Variants in GNA11 observed in about 807,000 individuals in gnomAD.
The protein encoded by GNA11 is guanine nucleotide-binding protein subunit alpha-11.
GNA11 carries 8 observed loss-of-function variants against 38.2 expected under a neutral mutation model. That is an observed-to-expected ratio of 0.21 (90% CI 0.12 to 0.38). The LOEUF is 0.38. Ranked by LOEUF, GNA11 falls within the 10% of genes least tolerant of loss-of-function variation. GNA11 has a pLI of 1.00. For missense variants in GNA11, 268 were observed against 516.3 expected (o/e 0.52, Z 4.66); for synonymous variants, 211 against 221.4 (o/e 0.95, Z 0.42).
rs1400788880 is a variant in GNA11, at chr19:3,121,366, T to A, written c.*187T>A. On this transcript the variant is annotated 3_prime_UTR_variant, in exon 7 of 7. Coordinates refer to ENST00000078429, the MANE Select transcript of GNA11 (RefSeq NM_002067.5). ...ACAGTTATCAGGGGATGTACATCTC[T>A]CCCTCCGTACACTTCGCGCACCTTC... The A allele has an allele frequency of 1.7e-5, 9 of 539,140 alleles. No homozygotes were observed. Among genetic ancestry groups the A allele is most frequent in the Middle Eastern group, 9.7e-4 (2 of 2,068 alleles). 33.4% of individuals were successfully genotyped at this position (539,140 alleles called of 1,614,324 possible).
intron 1 of GNA11, among the ~76,000 whole-genome samples, chr19:3,107,808 G>A (rs113592105): frequency 0.014 from 2,152 of 152,232 alleles, 68 homozygotes; most frequent in African/African-American, 0.049. Flanking sequence ...GTAGAGCTGA[G>A]GCCGAGGATC....
rs1430919020 is a variant in GNA11, at chr19:3,119,868, C to T, written c.889+509C>T. On this transcript the variant is annotated intron_variant, in intron 6 of 6. Transcript: ENST00000078429. The surrounding 1 kb of genome is among the most constrained non-coding windows in gnomAD (Gnocchi z 4.6). ...CCTCCTCTGTGCCCTACTGCCCCCACCCTCGGACCCGTCCCTCCCTACGTG... is the reference window on the plus strand; with the variant it reads ...CCTCCTCTGTGCCCTACTGCCCCCATCCTCGGACCCGTCCCTCCCTACGTG... 2.0e-5 allele frequency among the ~76,000 whole-genome samples: 3 copies of T among 152,046 alleles called. No individual in the cohort carries two copies. The highest frequency in any genetic ancestry group is 4.4e-5 in the Non-Finnish European group (3 of 67,976).
At chr19:3,113,593 C>A in intron 3 of GNA11, 109 bp downstream of exon 3, 2 of 827,994 alleles carry the variant, frequency 2.4e-6, no homozygotes, top group Non-Finnish European at 1.8e-6. Flanking sequence ...GCCTGCTCGC[C>A]GGGGGCAGGG....
chr19:3,094,629 CCGCGT>C lies in GNA11; in HGVS notation c.-20_-16del, dbSNP rs1913315769. ...CCGGGGGGCGGCGGCGGGCAGGCGG[CCGCGT>C]CGGCCGGGGCCGGGACGATGACTCT... On this transcript the variant is annotated 5_prime_UTR_variant, in exon 1 of 7. Coordinates refer to ENST00000078429, the MANE Select transcript of GNA11 (RefSeq NM_002067.5). The surrounding 1 kb of genome is among the most constrained non-coding windows in gnomAD (Gnocchi z 6.0). The C allele has an allele frequency of 8.3e-7, 1 of 1,198,758 alleles. No individual in the cohort carries two copies. Among genetic ancestry groups the C allele is most frequent in the African/African-American group, 1.6e-5 (1 of 62,606 alleles). 74.3% of individuals were successfully genotyped at this position (1,198,758 alleles called of 1,614,324 possible). A position where few individuals can be genotyped will look rare whatever the true frequency, so the allele number is the denominator to read the frequency against.
At chr19:3,099,213 G>A (rs1297439684) in intron 1 of GNA11, among the ~76,000 whole-genome samples, 1 of 149,284 alleles carries the variant, frequency 6.7e-6, no homozygotes, top group East Asian at 2.0e-4. Flanking sequence ...AGGGGCGCTC[G>A]CGGGGCCTGC....
At chr19:3,115,285 G>A (rs1913882193) in intron 4 of GNA11, 1 of 500,954 alleles carries the variant, frequency 2.0e-6, no homozygotes, top group Non-Finnish European at 3.5e-6. Context: ...TGCACCTGTG[G>A]TCCCAGCTAC....
chr19:3,111,236 T>C (rs1202240168), intron 2 of GNA11, among the ~76,000 whole-genome samples: 1 of 152,198 alleles, frequency 6.6e-6, no homozygotes, highest in African/African-American at 2.4e-5. Flanking sequence ...GTTTTCGATA[T>C]GTTTGCATAG....
intron 1 of GNA11, among the ~76,000 whole-genome samples, chr19:3,097,137 G>A (rs1913391427): frequency 6.6e-6 from 1 of 152,148 alleles, no homozygotes; most frequent in Non-Finnish European, 1.5e-5. Flanking sequence ...GCTTGCGATT[G>A]CCCCCGTTTT....
rs1431166394 is a variant in GNA11, at chr19:3,115,060, A to G, written c.593A>G (p.Asn198Ser). ...ATCGAGTACCCTTTCGACCTGGAGA[A>G]CATCATCTTCCGGTACCGCCCGGGC... ...GIIEYPFDLE[N>S]IIFRMVDVGG... Residue 198 changes from asparagine (N) to serine (S), a missense_variant, in exon 4 of 7, where the codon AAC becomes AGC. Asn to Ser is a conservative substitution (Grantham distance 46, BLOSUM62 1). Around this residue, in one of 3 missense-constraint regions of GNA11, gnomAD observed 25 missense variants for 95.6 expected, o/e 0.26. Coordinates refer to ENST00000078429, the MANE Select transcript of GNA11 (RefSeq NM_002067.5). 6.2e-7 allele frequency: 1 copy of G among 1,613,104 alleles called. No homozygotes were observed. Among genetic ancestry groups the G allele is most frequent in the Non-Finnish European group, 8.5e-7 (1 of 1,179,794 alleles).
At position 3,108,211 on chromosome 19, in the gene GNA11, C is replaced by T. The variant is rs1340289934; in HGVS notation, c.137-1938C>T. Among the ~76,000 whole-genome samples, 6 of 152,142 alleles carry T rather than the reference C, an allele frequency of 3.9e-5. No homozygotes were observed. The highest frequency in any genetic ancestry group is 7.4e-5 in the Non-Finnish European group (5 of 68,022). On this transcript the variant is annotated intron_variant, in intron 1 of 6. Transcript: ENST00000078429. The surrounding 1 kb of genome is among the most constrained non-coding windows in gnomAD (Gnocchi z 4.5). ...CTCCCGAAGGCAGCACTGTGGCCACCGTGGGACACATGCAGCCTGTCTCAT... is the reference window on the plus strand; with the variant it reads ...CTCCCGAAGGCAGCACTGTGGCCACTGTGGGACACATGCAGCCTGTCTCAT...
At chr19:3,102,437 AGCCG>A (rs948527680) in intron 1 of GNA11, among the ~76,000 whole-genome samples, 1 of 152,132 alleles carries the variant, frequency 6.6e-6, no homozygotes, top group African/African-American at 2.4e-5. Flanking sequence ...CAGCGGGGTG[AGCCG>A]GGTGCACTTC....
intron 4 of GNA11, chr19:3,117,657 C>A (rs1001227483): frequency 2.0e-5 from 3 of 152,548 alleles, no homozygotes; most frequent in Admixed American, 1.3e-4. Flanking sequence ...GCTGGGATTA[C>A]AGGCGTGAGC....
At chr19:3,107,017 A>G (rs944792199) in intron 1 of GNA11, among the ~76,000 whole-genome samples, 7 of 152,224 alleles carry the variant, frequency 4.6e-5, no homozygotes, top group Admixed American at 2.0e-4. Context: ...CAGGTAGATC[A>G]CCTGAGGTGA....
chr19:3,118,509 C>A, intron 4 of GNA11: 1 of 190,180 alleles, frequency 5.3e-6, no homozygotes, highest in South Asian at 1.1e-4. Context: ...TTTACTCCTG[C>A]GAGTGACGCT....
chr19:3,095,813 C>T (rs906083027), intron 1 of GNA11, among the ~76,000 whole-genome samples: 2 of 152,038 alleles, frequency 1.3e-5, no homozygotes, highest in African/African-American at 4.8e-5. Flanking sequence ...TGAGAGCAGC[C>T]CCCCACCTGC....
chr19:3,097,488 C>CAGCACCCAGG (rs2145303422), intron 1 of GNA11, among the ~76,000 whole-genome samples: 1 of 152,304 alleles, frequency 6.6e-6, no homozygotes, highest in Non-Finnish European at 1.5e-5. Context: ...TGGTTTCTTC[C>CAGCACCCAGG]AGGCTCTGGG....
intron 1 of GNA11, among the ~76,000 whole-genome samples, chr19:3,102,219 G>A (rs887074589): frequency 2.0e-5 from 3 of 152,308 alleles, no homozygotes; most frequent in Non-Finnish European, 2.9e-5. Context: ...CAGTCTGCAC[G>A]GAAGCCTCAG....
chr19:3,113,598 G>T (rs1913835516), intron 3 of GNA11, 114 bp downstream of exon 3: 3 of 793,428 alleles, frequency 3.8e-6, no homozygotes, highest in East Asian at 3.0e-5. Context: ...CTCGCCGGGG[G>T]CAGGGATGCG....
chr19:3,097,190 A>G (rs751197470), intron 1 of GNA11, among the ~76,000 whole-genome samples: 8 of 149,476 alleles, frequency 5.4e-5, no homozygotes, highest in Non-Finnish European at 1.2e-4. Context: ...CCCCGGAAGG[A>G]AGGGGCTGTT....
Sources: allele counts gnomAD v4.1 joint callset (sites outside exome capture counted in the v4.1 genomes callset), GRCh38; gene constraint gnomAD v4.1.1; regional missense constraint gnomAD v4.1.1; non-coding constraint Gnocchi (gnomAD v3.1); transcripts MANE v1.5; gene names NCBI Gene and HGNC (gene_info 2026-07-23, HGNC 2026-07-21).